Variants in CFAP61 observed in about 807,000 individuals in gnomAD.
The protein encoded by CFAP61 is cilia and flagella associated protein 61.
A neutral mutation model predicts 135.6 loss-of-function variants in CFAP61; 107 were observed. The observed-to-expected ratio is 0.79, with a 90% CI of 0.67 to 0.93. The LOEUF is 0.93. CFAP61 is among the 40% of genes least tolerant of loss of function. The pLI, the probability that CFAP61 is intolerant of heterozygous loss-of-function variation, is 0.00. For synonymous variants in CFAP61, 575 were observed against 578.5 expected (o/e 0.99, Z 0.09); for missense variants, 1,507 against 1,556.2 (o/e 0.97, Z 0.53).
chr20:20,228,250 TGA>T lies in CFAP61; in HGVS notation c.1936_1937del (p.Ser646LeufsTer15), dbSNP rs752976879. Reference sequence around the variant, plus strand: ...TTTGTCTTCGTATTTTTTTTCCAGATGAGTTATGCTTTAAACCATACAAACAG... The same window carrying T: ...TTTGTCTTCGTATTTTTTTTCCAGATGTTATGCTTTAAACCATACAAACAG... On this transcript the variant is annotated frameshift_variant and splice_region_variant, in exon 18 of 27. Coordinates refer to ENST00000245957, the MANE Select transcript of CFAP61 (RefSeq NM_015585.4). LOFTEE classifies it high-confidence loss of function. 6.3e-7 allele frequency: 1 copy of T among 1,595,656 alleles called. No individual in the cohort carries two copies. The highest frequency in any genetic ancestry group is 1.1e-5 in the South Asian group (1 of 89,552).
In CFAP61 at chr20:20,090,928, C is replaced by T. The variant is rs188963943; in HGVS notation, c.651C>T (p.Ala217=). 2.2e-5 allele frequency: 36 copies of T among 1,614,100 alleles called. No homozygotes were observed. Among genetic ancestry groups the T allele is most frequent in the Middle Eastern group, 1.6e-4 (1 of 6,062 alleles). Residue 217 remains alanine, a synonymous_variant, in exon 7 of 27, where the codon GCC becomes GCT. Coordinates refer to ENST00000245957, the MANE Select transcript of CFAP61 (RefSeq NM_015585.4). The stretch of plus-strand genomic sequence containing the variant: ...AAACTTACGGTGAATACTTCCTGGC[C>T]GAACTAATAGAGGCCCAAGATGAAG... ...LKETYGEYFL[A]ELIEAQDEEN... is the part of the protein sequence containing the mutation.
chr20:20,275,122 T>C (rs1011102300), intron 21 of CFAP61, among the ~76,000 whole-genome samples: 6 of 152,198 alleles, frequency 3.9e-5, no homozygotes, highest in African/African-American at 1.4e-4. Context: ...GTGCTTGCCT[T>C]TCTGTGCACC....
intron 8 of CFAP61, among the ~76,000 whole-genome samples, chr20:20,129,319 A>G (rs1457307014): frequency 6.6e-6 from 1 of 151,786 alleles, no homozygotes; most frequent in Non-Finnish European, 1.5e-5. Flanking sequence ...TTCATATTTA[A>G]AGGACAAGTT....
At position 20,092,138 on chromosome 20, in the gene CFAP61, C is replaced by T. The variant is rs560514564; in HGVS notation, c.699+1162C>T. Among the ~76,000 whole-genome samples the T allele has an allele frequency of 1.6e-4, 24 of 152,282 alleles. No homozygotes were observed. The South Asian group carries it at 4.6e-3, about 29-fold the overall frequency. ...TTAAATCTGGAACAATTCTCCGATC[C>T]GTCTTTATCTTCCATGACAATTACA... On this transcript the variant is annotated intron_variant, in intron 7 of 26. Coordinates refer to ENST00000245957, the MANE Select transcript of CFAP61 (RefSeq NM_015585.4).
At position 20,296,341 on chromosome 20, in the gene CFAP61, T is replaced by TTCCC. The variant is rs2055571373; in HGVS notation, c.3217-1839_3217-1838insCCCT. 1.9e-4 allele frequency among the ~76,000 whole-genome samples: 13 copies of TTCCC among 69,506 alleles called. No homozygotes were observed. In the South Asian group the frequency reaches 2.5e-3, roughly 13 times the overall value. The allele number at this position is 69,506 out of a possible 152,430, so 45.6% of individuals were successfully genotyped here. ...CTCCTTCCTTCCCTTCCTTCCTTCCTTGCTTCCTTCCTTCTTTCCTTTCTT... is the reference window on the plus strand; with the variant it reads ...CTCCTTCCTTCCCTTCCTTCCTTCCTTCCCTGCTTCCTTCCTTCTTTCCTTTCTT... On this transcript the variant is annotated intron_variant, in intron 24 of 26. Transcript: ENST00000245957.
intron 6 of CFAP61, among the ~76,000 whole-genome samples, chr20:20,084,017 C>T (rs1299403034): frequency 6.6e-6 from 1 of 150,738 alleles, no homozygotes; most frequent in African/African-American, 2.5e-5. Flanking sequence ...CACAAGAGAT[C>T]TTGAAAAGAA....
intron 25 of CFAP61, among the ~76,000 whole-genome samples, chr20:20,316,420 C>T (rs1270905683): frequency 6.6e-6 from 1 of 151,788 alleles, no homozygotes; most frequent in Admixed American, 6.6e-5. Context: ...AGTTGCTTAT[C>T]AGCTTAAGGA....
chr20:20,253,133 T>C (rs2146987929), intron 20 of CFAP61, among the ~76,000 whole-genome samples: 1 of 135,138 alleles, frequency 7.4e-6, no homozygotes, highest in East Asian at 2.0e-4. Context: ...ATGGGGAGCC[T>C]GAGATGCTAC....
At chr20:20,323,348 A>G in intron 25 of CFAP61, 1 of 978,212 alleles carries the variant, frequency 1.0e-6, no homozygotes, top group Non-Finnish European at 1.2e-6. Flanking sequence ...CCTACTTTCA[A>G]ACACAATTTG....
At chr20:20,119,024 G>A (rs965213447) in intron 8 of CFAP61, among the ~76,000 whole-genome samples, 3 of 152,052 alleles carry the variant, frequency 2.0e-5, no homozygotes, top group African/African-American at 7.2e-5. Context: ...TGGTTTGCTA[G>A]TGTTTTGTTG....
In CFAP61 at chr20:20,159,457, G is replaced by A. The variant is rs1339078096; in HGVS notation, c.1026+13G>A. Reference sequence around the variant, plus strand: ...TAGTGAACCGGAGGTAGGGTTTGACGAGGGCCTTTGCGTGCCTTCTAGCCA... The same window carrying A: ...TAGTGAACCGGAGGTAGGGTTTGACAAGGGCCTTTGCGTGCCTTCTAGCCA... On this transcript the variant is annotated intron_variant, in intron 10 of 26. Transcript: ENST00000245957. 4.3e-6 allele frequency: 7 copies of A among 1,612,342 alleles called. No homozygotes were observed. The highest frequency in any genetic ancestry group is 2.2e-5 in the South Asian group (2 of 91,038).
intron 25 of CFAP61, among the ~76,000 whole-genome samples, chr20:20,331,707 C>T (rs953683802): frequency 1.1e-4 from 17 of 152,248 alleles, no homozygotes; most frequent in African/African-American, 4.1e-4. Flanking sequence ...TTCTCTCTTG[C>T]TCCTTTGTCC....
intron 25 of CFAP61, among the ~76,000 whole-genome samples, chr20:20,308,183 C>A (rs1468582745): frequency 2.0e-5 from 3 of 152,134 alleles, no homozygotes; most frequent in Non-Finnish European, 4.4e-5. Context: ...GACAGTGCTG[C>A]TGTAGGCCAG....
rs184070526 is a variant in CFAP61, at chr20:20,352,544, C to A, written c.3514-7666C>A. On this transcript the variant is annotated intron_variant, in intron 26 of 26. Coordinates refer to ENST00000245957, the MANE Select transcript of CFAP61 (RefSeq NM_015585.4). ...ATAAATAAACCTACACATTTACAGG[C>A]AATTGATTTTTGACAAAAGTGCCAA... Among the ~76,000 whole-genome samples the A allele has an allele frequency of 2.0e-5, 3 of 152,292 alleles. No individual in the cohort carries two copies. The East Asian group carries it at 5.8e-4, about 29-fold the overall frequency.
At chr20:20,153,991 A>G (rs770627619) in intron 9 of CFAP61, among the ~76,000 whole-genome samples, 4 of 152,166 alleles carry the variant, frequency 2.6e-5, no homozygotes, top group Non-Finnish European at 4.4e-5. Flanking sequence ...ATCCAACATC[A>G]TATCAAAAAG....
chr20:20,142,860 C>T lies in CFAP61; in HGVS notation c.863C>T (p.Ala288Val). Residue 288 changes from alanine (A) to valine (V), a missense_variant, in exon 9 of 27, where the codon GCT becomes GTT. Ala to Val is a moderately conservative substitution (Grantham distance 64, BLOSUM62 0). Coordinates refer to ENST00000245957, the MANE Select transcript of CFAP61 (RefSeq NM_015585.4). ...TATTCTATCCCTTCTCTCAAAGATG[C>T]TGAGCTCAGGAGTAGCAGCCAAGGT... The part of the protein sequence containing the change: ...QDLSVRRSQD[A>V]ELRSSSQGSQ... 3 of 1,589,758 alleles carry T rather than the reference C, an allele frequency of 1.9e-6. No homozygotes were observed. In the South Asian group the frequency reaches 3.4e-5, roughly 18 times the overall value.
intron 17 of CFAP61, among the ~76,000 whole-genome samples, chr20:20,219,772 G>A (rs894224878): frequency 6.6e-6 from 1 of 152,160 alleles, no homozygotes; most frequent in Admixed American, 6.5e-5. Context: ...TAATCAAAAT[G>A]TGTATTATAA....
chr20:20,305,002 T>G (rs1159884267), intron 25 of CFAP61, among the ~76,000 whole-genome samples: 2 of 152,216 alleles, frequency 1.3e-5, no homozygotes, highest in East Asian at 1.9e-4. Context: ...TTGCCCTAGC[T>G]TCTTTGTATG....
chr20:20,317,042 A>G (rs2057179812), intron 25 of CFAP61: 2 of 150,488 alleles, frequency 1.3e-5, no homozygotes, highest in African/African-American at 4.9e-5. Flanking sequence ...ATGCCCGGCT[A>G]ATTTTTGTAT....
Sources: gnomAD v4.1 joint callset for allele counts (sites outside exome capture counted in the v4.1 genomes callset) on GRCh38, gnomAD v4.1.1 for gene constraint, MANE v1.5 for transcripts, NCBI Gene and HGNC (gene_info 2026-07-23, HGNC 2026-07-21) for gene names.